Variants in CNTN1 observed in about 807,000 individuals in gnomAD.
CNTN1 encodes contactin-1.
In CNTN1, 38 loss-of-function variants were observed where a neutral mutation model predicts 126.4. That is an observed-to-expected ratio of 0.30 (90% CI 0.23 to 0.39). The LOEUF (loss-of-function observed/expected upper bound fraction) is 0.39. Among genes scored for constraint, CNTN1 ranks in the 10% least tolerant of loss-of-function variants. CNTN1 has a pLI of 1.00. For synonymous variants in CNTN1, 413 were observed against 422.6 expected, an observed-to-expected ratio of 0.98 and a Z score of 0.28; for missense variants, 1,009 against 1,248.4, an observed-to-expected ratio of 0.81 and a Z score of 2.89.
intron 1 of CNTN1, among the ~76,000 whole-genome samples, chr12:40,843,776 G>C (rs540849518): frequency 1.3e-5 from 2 of 152,220 alleles, no homozygotes; most frequent in South Asian, 4.2e-4. Flanking sequence ...GTTGGGCCTG[G>C]TTTGTATCAT....
At chr12:40,699,365 T>C (rs916816433) in intron 1 of CNTN1, among the ~76,000 whole-genome samples, 10 of 152,196 alleles carry the variant, frequency 6.6e-5, no homozygotes, top group Admixed American at 2.0e-4. Context: ...ATCTTCACAA[T>C]ATTTCAAAAA....
intron 1 of CNTN1, among the ~76,000 whole-genome samples, chr12:40,840,737 T>C (rs1942243843): frequency 6.6e-6 from 1 of 151,248 alleles, no homozygotes; most frequent in Admixed American, 6.6e-5. Flanking sequence ...ATTGAGCCAA[T>C]GAAGAAATTA....
intron 1 of CNTN1, among the ~76,000 whole-genome samples, chr12:40,816,704 C>T (rs2136517232): frequency 6.6e-6 from 1 of 151,990 alleles, no homozygotes; most frequent in Admixed American, 6.6e-5. Context: ...TTCTTTTGCT[C>T]TTGCCTCTCT....
At position 40,929,979 on chromosome 12, in the gene CNTN1, T is replaced by C; in HGVS notation, c.680T>C (p.Ile227Thr). 3 of 1,611,608 alleles carry C rather than the reference T, an allele frequency of 1.9e-6. No homozygotes were observed. The highest frequency in any genetic ancestry group is 2.5e-6 in the Non-Finnish European group (3 of 1,178,010). The change falls in exon 7 of 24, where the codon ATC becomes ACC. Residue 227 changes from isoleucine to threonine, a missense_variant. Ile to Thr is a moderately conservative substitution (Grantham distance 89). Transcript: ENST00000551295. ...SITKSVFSKFIPLIPIPERTT... is the reference protein window; with the variant it reads ...SITKSVFSKFTPLIPIPERTT... The stretch of plus-strand genomic sequence containing the variant: ...ACAAAGAGCGTGTTCAGCAAATTCA[T>C]CCCACTCATTCCAATACCTGAACGT...
chr12:41,016,200 C>T (rs1948776643), intron 18 of CNTN1, among the ~76,000 whole-genome samples: 1 of 152,086 alleles, frequency 6.6e-6, no homozygotes, highest in Non-Finnish European at 1.5e-5. Flanking sequence ...ATTCATAAAA[C>T]GTGTATTCTA....
At chr12:40,765,677 A>T (rs1234317945) in intron 1 of CNTN1, among the ~76,000 whole-genome samples, 1 of 152,228 alleles carries the variant, frequency 6.6e-6, no homozygotes, top group Non-Finnish European at 1.5e-5. Context: ...GATTTTGACA[A>T]TCCAAGACCT....
intron 1 of CNTN1, among the ~76,000 whole-genome samples, chr12:40,888,200 T>G (rs1211890265): frequency 6.6e-6 from 1 of 152,184 alleles, no homozygotes; most frequent in Non-Finnish European, 1.5e-5. Flanking sequence ...TAATTTATAG[T>G]GATAAATCAG....
intron 1 of CNTN1, among the ~76,000 whole-genome samples, chr12:40,824,688 T>C (rs1014167): frequency 0.022 from 3,424 of 152,228 alleles, 126 homozygotes; most frequent in African/African-American, 0.078. Flanking sequence ...CCTAGTCATA[T>C]AGTTAAATTC....
chr12:40,754,458 C>T (rs546862422), intron 1 of CNTN1, among the ~76,000 whole-genome samples: 1 of 152,008 alleles, frequency 6.6e-6, no homozygotes, highest in South Asian at 2.1e-4. Context: ...AGTTGTTATA[C>T]TGTATTTTTT....
intron 1 of CNTN1, among the ~76,000 whole-genome samples, chr12:40,711,610 C>A (rs1383128521): frequency 6.6e-6 from 1 of 152,136 alleles, no homozygotes; most frequent in East Asian, 1.9e-4. Flanking sequence ...GCACCCCCAA[C>A]TAATGACCAC....
chr12:40,788,483 T>C (rs1297725460), intron 1 of CNTN1, among the ~76,000 whole-genome samples: 5 of 152,048 alleles, frequency 3.3e-5, no homozygotes, highest in Non-Finnish European at 5.9e-5. Context: ...CTCCTTTGCC[T>C]CATGGTGACC....
rs145714777 is a variant in CNTN1 at position 41,025,221 on chromosome 12, G to T, written c.2595G>T (p.Ser865=). The T allele has an allele frequency of 6.2e-7, 1 of 1,613,760 alleles. No homozygotes were observed. Among genetic ancestry groups the T allele is most frequent in the South Asian group, 1.1e-5 (1 of 91,070 alleles). ...NRVQVTSQEY[S]ARLENLLPDT... ...TTCAAGTCACCAGCCAAGAGTACTC[G>T]GCCAGGCTCGAGAACCTTCTGCCAG... Residue 865 remains serine, a synonymous_variant, in exon 21 of 24, where the codon TCG becomes TCT. Coordinates refer to ENST00000551295, the MANE Select transcript of CNTN1 (RefSeq NM_001843.4).
chr12:40,711,969 C>G (rs1210621393), intron 1 of CNTN1, among the ~76,000 whole-genome samples: 1 of 152,138 alleles, frequency 6.6e-6, no homozygotes, highest in Non-Finnish European at 1.5e-5. Flanking sequence ...ATTGTCTTGT[C>G]TCAGTTTCCC....
chr12:41,011,431 GA>G (rs1460315896), intron 17 of CNTN1, among the ~76,000 whole-genome samples: 2 of 152,010 alleles, frequency 1.3e-5, no homozygotes, highest in African/African-American at 2.4e-5. Context: ...TAAAGAGAAG[GA>G]AAAAAAGGCA....
At chr12:40,830,960 T>TACACACAC (rs534288235) in intron 1 of CNTN1, among the ~76,000 whole-genome samples, 1 of 120,950 alleles carries the variant, frequency 8.3e-6, no homozygotes, top group Admixed American at 8.5e-5. Context: ...TATATATATA[T>TACACACAC]ATACACACAC....
intron 1 of CNTN1, among the ~76,000 whole-genome samples, chr12:40,759,774 ATTT>A (rs33992864): frequency 0.019 from 2,595 of 133,554 alleles, 90 homozygotes; most frequent in African/African-American, 0.07. Flanking sequence ...TGGCCCAGAT[ATTT>A]TTTTTTTTTT....
intron 16 of CNTN1, among the ~76,000 whole-genome samples, chr12:40,986,705 C>A (rs1947962111): frequency 6.6e-6 from 1 of 152,160 alleles, no homozygotes. Flanking sequence ...AGATCTCTCT[C>A]AGCACTCCTG....
intron 17 of CNTN1, among the ~76,000 whole-genome samples, chr12:41,013,680 A>G (rs141922158): frequency 9.1e-4 from 139 of 152,346 alleles, no homozygotes; most frequent in African/African-American, 3.3e-3. Context: ...AGGGAAACTG[A>G]TACTACAAGA....
chr12:40,713,591 C>A (rs2121176376), intron 1 of CNTN1, among the ~76,000 whole-genome samples: 1 of 151,568 alleles, frequency 6.6e-6, no homozygotes, highest in East Asian at 1.9e-4. Context: ...ATATAAATGC[C>A]CCCCACACAC....
Sources: gnomAD v4.1 joint callset for allele counts (sites outside exome capture counted in the v4.1 genomes callset) on GRCh38, gnomAD v4.1.1 for gene constraint, MANE v1.5 for transcripts, NCBI Gene and HGNC (gene_info 2026-07-23, HGNC 2026-07-21) for gene names.